HPR: variants seen among roughly 807,000 people sequenced by gnomAD.
The protein encoded by HPR is haptoglobin-related protein, also known as Haptoglobin-related locus.
A neutral mutation model predicts 18.5 loss-of-function variants in HPR; 17 were observed. The observed-to-expected ratio is 0.92, with a 90% CI of 0.63 to 1.38. The LOEUF (loss-of-function observed/expected upper bound fraction) is 1.38. HPR is among the 40% of genes most tolerant of loss of function. The probability of loss-of-function intolerance (pLI) is 0.00; values close to 1 mark genes in which losing one functional copy is unlikely to be tolerated. For synonymous variants in HPR, 176 were observed against 165.0 expected (o/e 1.07, Z -0.51); for missense variants, 457 against 432.4 (o/e 1.06, Z -0.51).
intron 4 of HPR, 105 bp from the exon 5 acceptor site, chr16:72,076,198 T>C (rs914892684): frequency 1.9e-6 from 3 of 1,559,672 alleles, no homozygotes; most frequent in Admixed American, 3.7e-5. Flanking sequence ...CATTTAAATC[T>C]TTCCAGTTTA....
intron 3 of HPR, 102 bp from the exon 4 acceptor site, chr16:72,075,043 T>C: frequency 2.1e-6 from 2 of 958,742 alleles, no homozygotes; most frequent in South Asian, 2.8e-5. Context: ...TCTGCCTCCT[T>C]TCTTCTTCTT....
chr16:72,076,838 C>A lies in HPR; in HGVS notation c.804C>A (p.Ser268Arg), dbSNP rs1217692732. ...GCCCCAAATGGAAGGCACCGAAGAG[C>A]CCTGTAGGGGTGCAGCCCATACTGA... ...STCPKWKAPK[S>R]PVGVQPILNE... The change falls in exon 5 of 5, where the codon AGC becomes AGA. Residue 268 changes from serine (S) to arginine (R), a missense_variant. Coordinates refer to ENST00000540303, the MANE Select transcript of HPR (RefSeq NM_020995.4). 3.7e-6 allele frequency: 6 copies of A among 1,614,112 alleles called. No individual in the cohort carries two copies. Among genetic ancestry groups the A allele is most frequent in the Non-Finnish European group, 5.1e-6 (6 of 1,180,054 alleles).
intron 1 of HPR, among the ~76,000 whole-genome samples, chr16:72,069,817 T>C (rs572634331): frequency 6.6e-6 from 1 of 152,178 alleles, no homozygotes; most frequent in African/African-American, 2.4e-5. Flanking sequence ...ATGCCCCCAA[T>C]TGGTCATTTA....
rs142822369 is a variant in HPR, at chr16:72,071,312, T to C, written c.6-2580T>C. Among the ~76,000 whole-genome samples, 435 of 152,210 alleles carry C rather than the reference T, an allele frequency of 2.9e-3. 3 individuals carry two copies. The highest frequency in any genetic ancestry group is 0.01 in the Middle Eastern group (3 of 294). ...ATGCTTGGCTAAAATGGATTAAATATTCCATCTGCACTTTAAACAAATATG... is the reference window on the plus strand; with the variant it reads ...ATGCTTGGCTAAAATGGATTAAATACTCCATCTGCACTTTAAACAAATATG... On this transcript the variant is annotated intron_variant, in intron 1 of 4. Transcript: ENST00000540303.
intron 1 of HPR, 112 bp from the exon 2 acceptor site, chr16:72,073,780 A>ATG (rs754171130): frequency 1.9e-5 from 30 of 1,587,926 alleles, no homozygotes; most frequent in African/African-American, 2.7e-5. Flanking sequence ...GTGTGTATGC[A>ATG]TGTGTGTGTG....
intron 1 of HPR, among the ~76,000 whole-genome samples, chr16:72,066,853 T>C (rs192850918): frequency 2.0e-5 from 3 of 152,258 alleles, no homozygotes; most frequent in Admixed American, 1.3e-4. Flanking sequence ...ACCAATGTTA[T>C]CTACTTTCCA....
At chr16:72,074,975 C>T (rs550116933) in intron 3 of HPR, among the ~76,000 whole-genome samples, 170 bp from the exon 4 acceptor site, 2 of 151,922 alleles carry the variant, frequency 1.3e-5, no homozygotes, top group East Asian at 3.9e-4. Flanking sequence ...ACTTGGCTTC[C>T]AGCACAGCAC....
At chr16:72,069,862 A>G (rs928703222) in intron 1 of HPR, among the ~76,000 whole-genome samples, 1 of 152,200 alleles carries the variant, frequency 6.6e-6, no homozygotes, top group African/African-American at 2.4e-5. Context: ...CACTTTACCT[A>G]CTGGGTAGAG....
chr16:72,076,415 C>T lies in HPR; in HGVS notation c.381C>T (p.Leu127=), dbSNP rs1484877081. ...CTAAGATGGTTTCCCACCATAATCT[C>T]ACCACAGGGGCCACGCTGATCAATG... is the stretch of plus-strand genomic sequence containing the variant. ...WQAKMVSHHN[L]TTGATLINEQ... The change falls in exon 5 of 5, where the codon CTC becomes CTT. Residue 127 remains leucine (L), a synonymous_variant. Coordinates refer to ENST00000540303, the MANE Select transcript of HPR (RefSeq NM_020995.4). 1 of 1,614,196 alleles carries T rather than the reference C, an allele frequency of 6.2e-7. No individual in the cohort carries two copies. The highest frequency in any genetic ancestry group is 2.2e-5 in the East Asian group (1 of 44,868).
chr16:72,076,151 C>G, intron 4 of HPR, 152 bp from the exon 5 acceptor site: 1 of 1,446,078 alleles, frequency 6.9e-7, no homozygotes. Flanking sequence ...AAAACTGCAA[C>G]TATTGGAAAT....
intron 1 of HPR, among the ~76,000 whole-genome samples, chr16:72,065,679 C>T (rs2041590411): frequency 6.6e-6 from 1 of 152,124 alleles, no homozygotes; most frequent in South Asian, 2.1e-4. Flanking sequence ...TGAGTCAACT[C>T]CTAATCCAAT....
intron 4 of HPR, 81 bp from the exon 5 acceptor site, chr16:72,076,222 G>C (rs2041721119): frequency 6.3e-7 from 1 of 1,589,058 alleles, no homozygotes; most frequent in Non-Finnish European, 8.6e-7. Context: ...AGCAGTGACA[G>C]CCGCCAATGC....
intron 3 of HPR, 131 bp from the exon 4 acceptor site, chr16:72,075,014 T>C: frequency 1.5e-6 from 2 of 1,307,164 alleles, no homozygotes; most frequent in South Asian, 1.3e-5. Flanking sequence ...TCGTATTCTC[T>C]CTCCTTTCTC....
In HPR at chr16:72,074,342, C is replaced by G; in HGVS notation, c.150C>G (p.Arg50=). The G allele has an allele frequency of 6.2e-7, 1 of 1,614,052 alleles. No individual in the cohort carries two copies. Among genetic ancestry groups the G allele is most frequent in the Non-Finnish European group, 8.5e-7 (1 of 1,179,956 alleles). Reference sequence around the variant, plus strand: ...ATGGCTATGTGGAGCACTTGTTTCGCTACCAGTGTAAGAACTACTACAGAC... The same window carrying G: ...ATGGCTATGTGGAGCACTTGTTTCGGTACCAGTGTAAGAACTACTACAGAC... The part of the protein sequence containing the change: ...IANGYVEHLF[R]YQCKNYYRLR... The change falls in exon 3 of 5, where the codon CGC becomes CGG. Residue 50 remains arginine (R), a synonymous_variant. Coordinates refer to ENST00000540303, the MANE Select transcript of HPR (RefSeq NM_020995.4).
chr16:72,074,883 G>C, intron 3 of HPR: 1 of 672,618 alleles, frequency 1.5e-6, no homozygotes, highest in South Asian at 1.9e-5. Context: ...GTCAGGATTT[G>C]AACCCTGAGC....
At position 72,076,712 on chromosome 16, in the gene HPR, G is replaced by C; in HGVS notation, c.678G>C (p.Trp226Cys). The C allele has an allele frequency of 1.9e-6, 3 of 1,614,156 alleles. No individual in the cohort carries two copies. Among genetic ancestry groups the C allele is most frequent in the Non-Finnish European group, 2.5e-6 (3 of 1,180,038 alleles). Residue 226 changes from tryptophan to cysteine, a missense_variant, in exon 5 of 5, where the codon TGG becomes TGC. Transcript: ENST00000540303. Reference protein sequence around the residue: ...EVGRVGYVSGWGQSDNFKLTD... With the variant: ...EVGRVGYVSGCGQSDNFKLTD... ...GGCGTGTGGGTTACGTGTCTGGCTG[G>C]GGACAAAGTGACAACTTTAAACTTA...
At chr16:72,076,046 A>T (rs1293552288) in intron 4 of HPR, among the ~76,000 whole-genome samples, 8 of 152,138 alleles carry the variant, frequency 5.3e-5, no homozygotes, top group Non-Finnish European at 1.0e-4. Flanking sequence ...AATATAATAT[A>T]GTTCACCAGC....
At chr16:72,068,170 T>C (rs557213041) in intron 1 of HPR, among the ~76,000 whole-genome samples, 4 of 152,306 alleles carry the variant, frequency 2.6e-5, no homozygotes, top group East Asian at 3.9e-4. Flanking sequence ...GGTGAGGATA[T>C]AGAGAAAGAA....
In HPR at chr16:72,075,138, G is replaced by C. The variant is rs2041704594; in HGVS notation, c.194-7G>C. 9.1e-7 allele frequency: 1 copy of C among 1,097,464 alleles called. No individual in the cohort carries two copies. Among genetic ancestry groups the C allele is most frequent in the Non-Finnish European group, 1.4e-6 (1 of 729,802 alleles). 68.0% of individuals were successfully genotyped at this position (1,097,464 alleles called of 1,614,324 possible). The stretch of plus-strand genomic sequence containing the variant: ...TCCTTTGGCTCATTTCTTGCCTTTT[G>C]TTTCAGGAGTATACACCTTAAATGA... On this transcript the variant is annotated splice_region_variant and splice_polypyrimidine_tract_variant and intron_variant, in intron 3 of 4. Coordinates refer to ENST00000540303, the MANE Select transcript of HPR (RefSeq NM_020995.4).
Sources: allele counts gnomAD v4.1 joint callset (sites outside exome capture counted in the v4.1 genomes callset), GRCh38; gene constraint gnomAD v4.1.1; transcripts MANE v1.5; gene names NCBI Gene and HGNC (gene_info 2026-07-23, HGNC 2026-07-21).